PARD3: variants seen among roughly 807,000 people sequenced by gnomAD.
The protein encoded by PARD3 is partitioning defective 3 homolog.
In PARD3, 75 loss-of-function variants were observed where a neutral mutation model predicts 155.4. That is an observed-to-expected ratio of 0.48 (90% CI 0.40 to 0.58). The LOEUF is 0.58. PARD3 is among the 20% of genes least tolerant of loss of function. The probability of loss-of-function intolerance (pLI) is 0.00; values close to 1 mark genes in which losing one functional copy is unlikely to be tolerated. For synonymous variants in PARD3, 576 were observed against 610.5 expected (o/e 0.94, Z 0.83); for missense variants, 1,642 against 1,721.7 (o/e 0.95, Z 0.82).
chr10:34,810,942 T>C (rs1443649596), intron 1 of PARD3, among the ~76,000 whole-genome samples: 2 of 152,062 alleles, frequency 1.3e-5, no homozygotes, highest in Non-Finnish European at 2.9e-5. Flanking sequence ...AGCTCCCCTA[T>C]ACCCAAGGTT....
chr10:34,199,206 A>G (rs375757602), intron 22 of PARD3, among the ~76,000 whole-genome samples: 22 of 152,124 alleles, frequency 1.4e-4, no homozygotes, highest in African/African-American at 5.1e-4. Context: ...TCATTATCCT[A>G]TGCTCATAAA....
intron 17 of PARD3, 74 bp from the exon 18 acceptor site, chr10:34,336,317 T>C (rs1274159962): frequency 9.1e-7 from 1 of 1,101,796 alleles, no homozygotes; most frequent in East Asian, 2.4e-5. Context: ...CATTCCCAGA[T>C]CTTTTTAGTT....
intron 5 of PARD3, among the ~76,000 whole-genome samples, chr10:34,430,546 T>C (rs2075848360): frequency 6.6e-6 from 1 of 152,232 alleles, no homozygotes; most frequent in South Asian, 2.1e-4. Flanking sequence ...CACTGATTAA[T>C]ATTGAACCAT....
At chr10:34,813,385 A>C (rs2134447538) in intron 1 of PARD3, among the ~76,000 whole-genome samples, 1 of 152,320 alleles carries the variant, frequency 6.6e-6, no homozygotes, top group East Asian at 1.9e-4. Context: ...GAACATTTAA[A>C]GCATAAACTG....
chr10:34,732,664 C>CTCCA (rs1481335223), intron 1 of PARD3, among the ~76,000 whole-genome samples: 1 of 152,184 alleles, frequency 6.6e-6, no homozygotes, highest in African/African-American at 2.4e-5. Context: ...TACCACTGCA[C>CTCCA]TCCAGCCTGG....
intron 22 of PARD3, among the ~76,000 whole-genome samples, chr10:34,254,196 A>G (rs1311294278): frequency 1.2e-4 from 19 of 152,170 alleles, no homozygotes; most frequent in Admixed American, 3.3e-4. Context: ...CCTGGCCAAC[A>G]TGGCGAAACC....
At chr10:34,724,737 C>T (rs146107136) in intron 1 of PARD3, among the ~76,000 whole-genome samples, 149 of 152,288 alleles carry the variant, frequency 9.8e-4, no homozygotes, top group Admixed American at 2.1e-3. Context: ...TGAAGAAGAG[C>T]TCTGGGGATA....
Position 34,433,534 on chromosome 10 carries a change from T to C in PARD3, c.714+16783A>G, listed in dbSNP as rs992695513. ...GAACTGGATCTGTTTATGATTATAATACAAAGTTCTCAGGAAAATTAGTCC... is the reference window on the plus strand; with the variant it reads ...GAACTGGATCTGTTTATGATTATAACACAAAGTTCTCAGGAAAATTAGTCC... On this transcript the variant is annotated intron_variant, in intron 5 of 24. Coordinates refer to ENST00000374788, the MANE Select transcript of PARD3 (RefSeq NM_001184785.2). Among the ~76,000 whole-genome samples the C allele has an allele frequency of 3.3e-5, 5 of 152,296 alleles. No homozygotes were observed. The South Asian group carries it at 1.0e-3, about 32-fold the overall frequency.
At chr10:34,137,281 C>T (rs1476845193) in intron 22 of PARD3, among the ~76,000 whole-genome samples, 1 of 152,140 alleles carries the variant, frequency 6.6e-6, no homozygotes, top group Admixed American at 6.5e-5. Flanking sequence ...GCCTCTGTCT[C>T]TCTCCTTGCT....
intron 1 of PARD3, among the ~76,000 whole-genome samples, chr10:34,809,210 AGT>A (rs1843766228): frequency 6.6e-6 from 1 of 152,200 alleles, no homozygotes; most frequent in Non-Finnish European, 1.5e-5. Flanking sequence ...TCTCAGCAGA[AGT>A]GTATTTTTTG....
At chr10:34,777,786 C>T (rs1235597275) in intron 1 of PARD3, among the ~76,000 whole-genome samples, 1 of 152,030 alleles carries the variant, frequency 6.6e-6, no homozygotes, top group East Asian at 1.9e-4. Context: ...CCTGTCTCAG[C>T]CTCTCAAAGT....
intron 22 of PARD3, among the ~76,000 whole-genome samples, chr10:34,173,609 A>G (rs1214811868): frequency 6.6e-6 from 1 of 152,208 alleles, no homozygotes; most frequent in African/African-American, 2.4e-5. Flanking sequence ...TAACTTTTAC[A>G]TATACCACAC....
chr10:34,189,127 C>T (rs1950603133), intron 22 of PARD3, among the ~76,000 whole-genome samples: 1 of 152,034 alleles, frequency 6.6e-6, no homozygotes, highest in Non-Finnish European at 1.5e-5. Flanking sequence ...AGGCCAAGAG[C>T]TCAAGACAAG....
chr10:34,432,341 C>T (rs1219185004), intron 5 of PARD3, among the ~76,000 whole-genome samples: 1 of 60,296 alleles, frequency 1.7e-5, no homozygotes, highest in Admixed American at 1.8e-4. Context: ...TGCACATACA[C>T]ACACACACAC....
intron 22 of PARD3, among the ~76,000 whole-genome samples, chr10:34,146,658 T>C (rs1588927063): frequency 6.6e-6 from 1 of 152,224 alleles, no homozygotes; most frequent in Non-Finnish European, 1.5e-5. Flanking sequence ...GACTGTGACA[T>C]ACAATTTTTA....
At chr10:34,340,986 C>T (rs1222872246) in intron 16 of PARD3, among the ~76,000 whole-genome samples, 2 of 152,070 alleles carry the variant, frequency 1.3e-5, no homozygotes, top group Non-Finnish European at 2.9e-5. Flanking sequence ...TCTGCTTTTG[C>T]TTATTGATGT....
At chr10:34,422,086 G>A (rs2075342922) in intron 5 of PARD3, among the ~76,000 whole-genome samples, 2 of 152,170 alleles carry the variant, frequency 1.3e-5, no homozygotes, top group South Asian at 4.2e-4. Context: ...AGCACATCCA[G>A]GGACACCCAC....
chr10:34,581,257 C>T (rs1279377353), intron 2 of PARD3, among the ~76,000 whole-genome samples: 7 of 40,796 alleles, frequency 1.7e-4, no homozygotes, highest in Admixed American at 2.6e-4. Context: ...TTTTTTGAGA[C>T]GGAGTTTCAC....
intron 22 of PARD3, among the ~76,000 whole-genome samples, chr10:34,228,030 T>C (rs570568246): frequency 1.3e-5 from 2 of 150,570 alleles, no homozygotes; most frequent in East Asian, 3.9e-4. Flanking sequence ...CCACCAATGG[T>C]GGACTGAATA....
Sources: gnomAD v4.1 joint callset for allele counts (sites outside exome capture counted in the v4.1 genomes callset) on GRCh38, gnomAD v4.1.1 for gene constraint, MANE v1.5 for transcripts, NCBI Gene and HGNC (gene_info 2026-07-23, HGNC 2026-07-21) for gene names.